ADARB1: variants seen among roughly 807,000 people sequenced by gnomAD.
The protein encoded by ADARB1 is adenosine deaminase RNA specific B1.
A neutral mutation model predicts 52.4 loss-of-function variants in ADARB1; 10 were observed. The ratio of observed to expected loss-of-function variants is 0.19; its 90% confidence interval spans 0.12 to 0.32. The LOEUF is 0.32. Ranked by LOEUF, ADARB1 falls within the 10% of genes least tolerant of loss-of-function variation. The pLI is 1.00. For synonymous variants in ADARB1, 349 were observed against 371.1 expected (o/e 0.94, Z 0.68); for missense variants, 643 against 922.3 (o/e 0.70, Z 3.92).
intron 2 of ADARB1, among the ~76,000 whole-genome samples, chr21:45,164,035 A>G (rs1040240714): frequency 1.3e-5 from 2 of 152,176 alleles, no homozygotes; most frequent in African/African-American, 2.4e-5. Context: ...ACACCTTTCA[A>G]TAAAAATTGC....
At chr21:45,077,501 TA>T (rs917688010) in intron 1 of ADARB1, among the ~76,000 whole-genome samples, 4 of 151,784 alleles carry the variant, frequency 2.6e-5, no homozygotes, top group Non-Finnish European at 4.4e-5. Context: ...CCGTCTCTAC[TA>T]AAAAAATATA....
At chr21:45,175,570 TTAAC>T (rs1469097258) in intron 3 of ADARB1, among the ~76,000 whole-genome samples, 156 bp from the exon 4 acceptor site, 4 of 152,238 alleles carry the variant, frequency 2.6e-5, no homozygotes, top group East Asian at 3.8e-4. Flanking sequence ...TGATAGTTCT[TTAAC>T]TAAATGTATA....
At chr21:45,094,579 C>T (rs980775547) in intron 1 of ADARB1, among the ~76,000 whole-genome samples, 3 of 152,250 alleles carry the variant, frequency 2.0e-5, no homozygotes, top group Non-Finnish European at 4.4e-5. Flanking sequence ...AGCACTATGT[C>T]TGCTTGTGTT....
intron 8 of ADARB1, among the ~76,000 whole-genome samples, chr21:45,201,105 C>T (rs888110219): frequency 6.6e-6 from 1 of 152,200 alleles, no homozygotes; most frequent in African/African-American, 2.4e-5. Flanking sequence ...CCATGGGGTC[C>T]GCAGGACAGG....
chr21:45,090,543 G>C (rs2086521523), intron 1 of ADARB1, among the ~76,000 whole-genome samples: 1 of 152,086 alleles, frequency 6.6e-6, no homozygotes, highest in Admixed American at 6.5e-5. Flanking sequence ...CTGTCAACTG[G>C]TTTACAAAAT....
chr21:45,080,363 G>A (rs1302532126), intron 1 of ADARB1, among the ~76,000 whole-genome samples: 5 of 152,238 alleles, frequency 3.3e-5, no homozygotes, highest in Non-Finnish European at 5.9e-5. Context: ...TAATGTTGGA[G>A]CCAAGTCCTT....
chr21:45,140,266 C>T (rs1252371120), intron 2 of ADARB1, among the ~76,000 whole-genome samples: 1 of 152,126 alleles, frequency 6.6e-6, no homozygotes, highest in African/African-American at 2.4e-5. Context: ...CAGTGCCACA[C>T]CACCAAGCAG....
intron 1 of ADARB1, among the ~76,000 whole-genome samples, chr21:45,079,167 T>C (rs1226303342): frequency 6.6e-6 from 1 of 152,170 alleles, no homozygotes; most frequent in African/African-American, 2.4e-5. Flanking sequence ...AATTTCAGCA[T>C]TTGTAAGATG....
chr21:45,197,675 C>T (rs1054071712), intron 8 of ADARB1, among the ~76,000 whole-genome samples: 2 of 152,114 alleles, frequency 1.3e-5, no homozygotes, highest in Non-Finnish European at 2.9e-5. Flanking sequence ...TCCACGCAGC[C>T]ATCAACCGGT....
intron 2 of ADARB1, chr21:45,146,402 T>C (rs536312118): frequency 6.6e-6 from 1 of 152,360 alleles, no homozygotes; most frequent in East Asian, 1.9e-4. Flanking sequence ...TATGCATCAG[T>C]TGGGAAACGG....
At chr21:45,083,131 A>G (rs2086215557) in intron 1 of ADARB1, among the ~76,000 whole-genome samples, 1 of 152,246 alleles carries the variant, frequency 6.6e-6, no homozygotes, top group Admixed American at 6.5e-5. Context: ...AGGCAGGGCT[A>G]TTGCTCTGAA....
chr21:45,121,588 C>T (rs2088192581), intron 1 of ADARB1, among the ~76,000 whole-genome samples: 2 of 152,164 alleles, frequency 1.3e-5, no homozygotes, highest in South Asian at 2.1e-4. Flanking sequence ...GCTTTTGGTA[C>T]TTTCTGTCTC....
At chr21:45,123,222 C>T (rs117041726) in intron 1 of ADARB1, among the ~76,000 whole-genome samples, 2,276 of 152,234 alleles carry the variant, frequency 0.015, 19 homozygotes, top group Middle Eastern at 0.031. Context: ...CCTTCATGCT[C>T]CTCCCTGATG....
intron 2 of ADARB1, among the ~76,000 whole-genome samples, chr21:45,169,288 C>T (rs412646): frequency 0.52 from 78,519 of 152,082 alleles, 20,570 homozygotes; most frequent in South Asian, 0.57. Flanking sequence ...GTCCTTACAG[C>T]CTGGCACGGG....
At chr21:45,129,591 T>C (rs746657105) in intron 2 of ADARB1, among the ~76,000 whole-genome samples, 20 of 152,198 alleles carry the variant, frequency 1.3e-4, no homozygotes, top group African/African-American at 4.8e-4. Context: ...GCTTGGCAGC[T>C]CTCATGTGAG....
At chr21:45,214,059 G>A (rs996213958) in intron 9 of ADARB1, among the ~76,000 whole-genome samples, 1 of 152,212 alleles carries the variant, frequency 6.6e-6, no homozygotes, top group Admixed American at 6.5e-5. Context: ...CACGCAGTAC[G>A]AGCGGTTGCT....
At chr21:45,218,536 C>T (rs527754940) in intron 9 of ADARB1, among the ~76,000 whole-genome samples, 1 of 152,182 alleles carries the variant, frequency 6.6e-6, no homozygotes, top group Non-Finnish European at 1.5e-5. Context: ...ACACCCTCTG[C>T]GTATCTCCAG....
At chr21:45,104,754 C>A (rs1177020630) in intron 1 of ADARB1, among the ~76,000 whole-genome samples, 1 of 152,198 alleles carries the variant, frequency 6.6e-6, no homozygotes, top group East Asian at 1.9e-4. Flanking sequence ...GGCAGGCAGC[C>A]CATGCTGCCG....
At chr21:45,161,352 A>T (rs1346876078) in intron 2 of ADARB1, among the ~76,000 whole-genome samples, 2 of 152,130 alleles carry the variant, frequency 1.3e-5, no homozygotes, top group African/African-American at 4.8e-5. Flanking sequence ...CGACAGGCTG[A>T]GAAGTGCCTG....
Sources: gnomAD v4.1 joint callset for allele counts (sites outside exome capture counted in the v4.1 genomes callset) on GRCh38, gnomAD v4.1.1 for gene constraint, MANE v1.5 for transcripts, NCBI Gene and HGNC (gene_info 2026-07-23, HGNC 2026-07-21) for gene names.